RNASET2: variants seen among roughly 807,000 people sequenced by gnomAD.
RNASET2 encodes ribonuclease T2.
RNASET2 carries 28 observed loss-of-function variants against 33.9 expected under a neutral mutation model. The ratio of observed to expected loss-of-function variants is 0.83; its 90% CI spans 0.61 to 1.13. The LOEUF is 1.13. Among genes scored for constraint, RNASET2 ranks in the 50% most tolerant of loss-of-function variants. The pLI is 0.00. For missense variants in RNASET2, 330 were observed against 319.9 expected, an observed-to-expected ratio of 1.03 and a Z score of -0.24; for synonymous variants, 123 against 121.0, an observed-to-expected ratio of 1.02 and a Z score of -0.11.
intron 8 of RNASET2, among the ~76,000 whole-genome samples, chr6:166,930,295 T>G (rs1309499235): frequency 6.6e-6 from 1 of 152,222 alleles, no homozygotes. Context: ...ACACAGCACA[T>G]GCTCACACAG....
At position 166,952,520 on chromosome 6, in the gene RNASET2, T is replaced by A. The variant is rs1164177909; in HGVS notation, c.115A>T (p.Met39Leu). The part of the protein sequence containing the change: ...RDNHEWKKLI[M>L]VQHWPETVCE... Reference sequence around the variant, plus strand: ...ACTGTCTCAGGCCAGTGCTGAACCATAATTAGTTTTTTCCACTCATGGTTG... The same window carrying A: ...ACTGTCTCAGGCCAGTGCTGAACCAAAATTAGTTTTTTCCACTCATGGTTG... The change falls in exon 2 of 9, where the codon ATG becomes TTG. Residue 39 changes from methionine (M) to leucine (L), a missense_variant. Physicochemically the swap from Met to Leu is conservative, Grantham distance 15. Coordinates refer to ENST00000508775, the MANE Select transcript of RNASET2 (RefSeq NM_003730.6). 6.2e-7 allele frequency: 1 copy of A among 1,614,006 alleles called. No homozygotes were observed. Among genetic ancestry groups the A allele is most frequent in the East Asian group, 2.2e-5 (1 of 44,886 alleles).
At chr6:166,937,788 C>T (rs545310389) in intron 6 of RNASET2, among the ~76,000 whole-genome samples, 10 of 152,296 alleles carry the variant, frequency 6.6e-5, no homozygotes, top group Admixed American at 2.0e-4. Flanking sequence ...CCTAATGCCA[C>T]GCGCTCTGGG....
In RNASET2 at chr6:166,929,389, G is replaced by A; in HGVS notation, c.*199C>T. ...TGAGCTTTATCCCAAGCACAAAACA[G>A]CCACTCAGGCGTGGGAGAGCTCCTT... On this transcript the variant is annotated 3_prime_UTR_variant, in exon 9 of 9. Transcript: ENST00000508775. 1.5e-6 allele frequency: 1 copy of A among 647,290 alleles called. No individual in the cohort carries two copies. The highest frequency in any genetic ancestry group is 1.8e-5 in the South Asian group (1 of 54,372). The allele number at this position is 647,290 out of a possible 1,614,324, so 40.1% of individuals were successfully genotyped here.
intron 6 of RNASET2, among the ~76,000 whole-genome samples, chr6:166,937,822 T>C (rs1778603748): frequency 1.3e-5 from 2 of 152,314 alleles, no homozygotes; most frequent in South Asian, 2.1e-4. Context: ...AGAAGTTTAT[T>C]CACAGGGCAT....
At chr6:166,931,688 C>A (rs536579223) in intron 7 of RNASET2, 14 of 168,030 alleles carry the variant, frequency 8.3e-5, no homozygotes, top group Non-Finnish European at 1.8e-4. Flanking sequence ...AGTCCTCCCC[C>A]ACTGCTTCTG....
In RNASET2 at chr6:166,956,518, G is replaced by C. The variant is rs1279918609; in HGVS notation, c.-336C>G. 1.9e-5 allele frequency: 7 copies of C among 368,696 alleles called. No homozygotes were observed. The highest frequency in any genetic ancestry group is 3.0e-5 in the Non-Finnish European group (6 of 199,968). 22.8% of individuals were successfully genotyped at this position (368,696 alleles called of 1,614,324 possible). A position where few individuals can be genotyped will look rare whatever the true frequency, so the allele number is the denominator to read the frequency against. On this transcript the variant is annotated 5_prime_UTR_variant, in exon 1 of 9. Transcript: ENST00000508775. ...CCAGCTCCTCCACGCTGCAGCCGCC[G>C]TCCGCCCACGACCACGGTCAGTCGC... is the stretch of plus-strand genomic sequence containing the variant.
Position 166,952,496 on chromosome 6 carries a change from C to A in RNASET2, c.139G>T (p.Val47Leu), listed in dbSNP as rs1467494028. The stretch of plus-strand genomic sequence containing the variant: ...AAGGCAGAAACACTCACCTCGCATA[C>A]TGTCTCAGGCCAGTGCTGAACCATA... ...LIMVQHWPETVCEKIQNDCRD... is the reference protein window; with the variant it reads ...LIMVQHWPETLCEKIQNDCRD... The change falls in exon 2 of 9, where the codon GTA (valine) becomes TTA (leucine). Residue 47 changes from valine to leucine, a missense_variant. Physicochemically the swap from Val to Leu is conservative, Grantham distance 32 (BLOSUM62 1). Transcript: ENST00000508775. 1.2e-6 allele frequency: 2 copies of A among 1,613,920 alleles called. No homozygotes were observed. The highest frequency in any genetic ancestry group is 2.2e-5 in the East Asian group (1 of 44,892).
intron 3 of RNASET2, 29 bp downstream of exon 3, chr6:166,948,541 C>T (rs745591374): frequency 6.9e-7 from 1 of 1,448,328 alleles, no homozygotes; most frequent in South Asian, 1.1e-5. Context: ...GCCTCTTCTG[C>T]CTAAGATTTA....
Position 166,924,515 on chromosome 6 carries a change from G to A in RNASET2, c.*5073C>T, listed in dbSNP as rs3195680. On this transcript the variant is annotated 3_prime_UTR_variant, in exon 9 of 9. Coordinates refer to ENST00000508775, the MANE Select transcript of RNASET2 (RefSeq NM_003730.6). ...CACAGAAGCGAGTTGGACAAAGTCC[G>A]GGCCTTTGTAGTGTGACGTGGCCAT... is the stretch of plus-strand genomic sequence containing the variant. Among the ~76,000 whole-genome samples, 5 of 152,188 alleles carry A rather than the reference G, an allele frequency of 3.3e-5. No individual in the cohort carries two copies. Among genetic ancestry groups the A allele is most frequent in the Non-Finnish European group, 5.9e-5 (4 of 68,050 alleles).
Position 166,927,071 on chromosome 6 carries a change from C to T in RNASET2, c.*2517G>A, listed in dbSNP as rs1778318887. 6.6e-6 allele frequency among the ~76,000 whole-genome samples: 1 copy of T among 152,224 alleles called. No homozygotes were observed. Among genetic ancestry groups the T allele is most frequent in the South Asian group, 2.1e-4 (1 of 4,830 alleles). ...GGGAGGCATTTCTCAGTCACCTCCG[C>T]CCAGTTACAGCGAGAACCGTGTGGT... On this transcript the variant is annotated 3_prime_UTR_variant, in exon 9 of 9. Coordinates refer to ENST00000508775, the MANE Select transcript of RNASET2 (RefSeq NM_003730.6).
At chr6:166,930,579 GCACA>G (rs199824887) in intron 8 of RNASET2, among the ~76,000 whole-genome samples, 2 of 145,454 alleles carry the variant, frequency 1.4e-5, no homozygotes, top group South Asian at 2.2e-4. Flanking sequence ...GCACACACAT[GCACA>G]CACACAGCAC....
chr6:166,954,858 G>A (rs1048959658), intron 1 of RNASET2, among the ~76,000 whole-genome samples: 7 of 152,198 alleles, frequency 4.6e-5, no homozygotes, highest in African/African-American at 1.7e-4. Flanking sequence ...CAGGCGTGGT[G>A]GTGTGCATCT....
chr6:166,955,308 G>GCAGGC (rs1365063969), intron 1 of RNASET2, among the ~76,000 whole-genome samples: 1 of 36,966 alleles, frequency 2.7e-5, no homozygotes, highest in African/African-American at 1.3e-4. Context: ...GCGCACACAC[G>GCAGGC]ACACACACGC....
rs563840264 is a variant in RNASET2 at position 166,940,208 on chromosome 6, T to G, written c.333-1200A>C. Among the ~76,000 whole-genome samples, 11 of 152,376 alleles carry G rather than the reference T, an allele frequency of 7.2e-5. No individual in the cohort carries two copies. The South Asian group carries it at 2.3e-3, about 32-fold the overall frequency. ...AAATGGGAATCAGATTTCCTCAGCT[T>G]TATTGGTGATGAATTCATGAAGTTT... is the stretch of plus-strand genomic sequence containing the variant. On this transcript the variant is annotated intron_variant, in intron 5 of 8. Coordinates refer to ENST00000508775, the MANE Select transcript of RNASET2 (RefSeq NM_003730.6).
chr6:166,925,802 A>G lies in RNASET2; in HGVS notation c.*3786T>C, dbSNP rs962242345. 1.3e-5 allele frequency among the ~76,000 whole-genome samples: 2 copies of G among 152,236 alleles called. No individual in the cohort carries two copies. The highest frequency in any genetic ancestry group is 2.9e-5 in the Non-Finnish European group (2 of 68,044). On this transcript the variant is annotated 3_prime_UTR_variant, in exon 9 of 9. Transcript: ENST00000508775. ...GAACTTGCTAAACTAGGTGAGCAGA[A>G]GAGCACTCCAGGCCACCCAAACTGC...
At chr6:166,938,645 T>C (rs1166497905) in intron 6 of RNASET2, 3 of 734,760 alleles carry the variant, frequency 4.1e-6, no homozygotes, top group Admixed American at 1.7e-5. Flanking sequence ...ACTCTGATGA[T>C]GAGATGGTGC....
At chr6:166,944,096 G>T in intron 4 of RNASET2, 1 of 156,700 alleles carries the variant, frequency 6.4e-6, no homozygotes, top group South Asian at 1.7e-4. Flanking sequence ...CTCCAGCCTG[G>T]CGACAGAGTG....
rs372460435 is a variant in RNASET2, at chr6:166,949,326, C to A, written c.148-701G>T. 4.0e-5 allele frequency among the ~76,000 whole-genome samples: 6 copies of A among 149,378 alleles called. No individual in the cohort carries two copies. In the East Asian group the frequency reaches 9.8e-4, roughly 24 times the overall value. ...AGACCATCCTGGCCAACCTGTGAAA[C>A]CCTGTCTCTACTAAAAATACAAAAA... On this transcript the variant is annotated intron_variant, in intron 2 of 8. Transcript: ENST00000508775.
At chr6:166,931,477 C>T (rs780659021) in intron 7 of RNASET2, 12 of 355,192 alleles carry the variant, frequency 3.4e-5, no homozygotes, top group East Asian at 6.4e-5. Context: ...CTCTGCCTTT[C>T]GCGGCCCATA....
Sources: gnomAD v4.1 joint callset for allele counts (sites outside exome capture counted in the v4.1 genomes callset) on GRCh38, gnomAD v4.1.1 for gene constraint, MANE v1.5 for transcripts, NCBI Gene and HGNC (gene_info 2026-07-23, HGNC 2026-07-21) for gene names.